Variants in DPYSL3 observed in about 807,000 individuals in gnomAD.
The protein encoded by DPYSL3 is dihydropyrimidinase like 3.
DPYSL3 carries 16 observed loss-of-function variants against 66.1 expected under a neutral mutation model. The ratio of observed to expected loss-of-function variants is 0.24; its 90% CI spans 0.16 to 0.37. The LOEUF (loss-of-function observed/expected upper bound fraction) is 0.37. DPYSL3 is among the 10% of genes least tolerant of loss of function. The pLI, the probability that DPYSL3 is intolerant of heterozygous loss-of-function variation, is 1.00. For synonymous variants in DPYSL3, 338 were observed against 345.1 expected, an observed-to-expected ratio of 0.98 and a Z score of 0.23; for missense variants, 738 against 916.2, an observed-to-expected ratio of 0.81 and a Z score of 2.51.
At chr5:147,464,848 C>T (rs1431445975) in intron 1 of DPYSL3, among the ~76,000 whole-genome samples, 4 of 152,082 alleles carry the variant, frequency 2.6e-5, no homozygotes, top group African/African-American at 4.8e-5. Flanking sequence ...GCCCTGAGAC[C>T]TCCCAAGAGA....
intron 1 of DPYSL3, among the ~76,000 whole-genome samples, chr5:147,474,818 T>C (rs563176308): frequency 6.6e-6 from 1 of 152,228 alleles, no homozygotes; most frequent in East Asian, 1.9e-4. Flanking sequence ...CAATTTAAAG[T>C]ATACAATTCC....
At chr5:147,412,466 G>T (rs1431172504) in intron 6 of DPYSL3, 142 bp downstream of exon 6, 5 of 720,522 alleles carry the variant, frequency 6.9e-6, no homozygotes, top group African/African-American at 1.8e-5. Flanking sequence ...AAATTGTGAG[G>T]TACCTTGGAG....
At chr5:147,434,868 C>A (rs1205750169) in intron 1 of DPYSL3, among the ~76,000 whole-genome samples, 1 of 152,122 alleles carries the variant, frequency 6.6e-6, no homozygotes, top group Non-Finnish European at 1.5e-5. Context: ...TGTTAAGACC[C>A]GTAGAACTAC....
chr5:147,402,499 C>A (rs1211662844), intron 8 of DPYSL3, among the ~76,000 whole-genome samples: 5 of 148,218 alleles, frequency 3.4e-5, no homozygotes, highest in Non-Finnish European at 2.9e-5. Context: ...AGGCGCCCGC[C>A]ACCACGCCCG....
intron 1 of DPYSL3, among the ~76,000 whole-genome samples, chr5:147,492,563 A>T (rs1753431908): frequency 6.6e-6 from 1 of 152,146 alleles, no homozygotes; most frequent in Non-Finnish European, 1.5e-5. Flanking sequence ...ATTATAAAGT[A>T]CTTGCACTAC....
intron 1 of DPYSL3, among the ~76,000 whole-genome samples, chr5:147,466,495 C>A (rs183024736): frequency 1.0e-3 from 157 of 152,330 alleles, no homozygotes; most frequent in African/African-American, 3.7e-3. Context: ...ACTACCTGCA[C>A]CCTGTCTGTT....
At position 147,392,257 on chromosome 5, in the gene DPYSL3, AAGCTTCCCT is replaced by A; in HGVS notation, c.*1769_*1777del. 6.6e-6 allele frequency: 1 copy of A among 152,346 alleles called. No homozygotes were observed. The highest frequency in any genetic ancestry group is 1.9e-4 in the East Asian group (1 of 5,180). 9.4% of individuals were successfully genotyped at this position (152,346 alleles called of 1,614,324 possible). A position where few individuals can be genotyped will look rare whatever the true frequency, so the allele number is the denominator to read the frequency against. On this transcript the variant is annotated 3_prime_UTR_variant, in exon 14 of 14. Transcript: ENST00000343218. Reference sequence around the variant, plus strand: ...AGCACTACAAGAGCTTTAAAATAGCAAGCTTCCCTATTCTAAGGGGAAATAGTCTTTTTT... The same window carrying A: ...AGCACTACAAGAGCTTTAAAATAGCAATTCTAAGGGGAAATAGTCTTTTTT...
chr5:147,463,534 G>T (rs995298618), intron 1 of DPYSL3, among the ~76,000 whole-genome samples: 5 of 152,148 alleles, frequency 3.3e-5, no homozygotes, highest in African/African-American at 1.2e-4. Context: ...TACATGTATT[G>T]CATTGTTAAT....
intron 10 of DPYSL3, among the ~76,000 whole-genome samples, chr5:147,400,095 ACT>A (rs1758127337): frequency 6.6e-6 from 1 of 152,254 alleles, no homozygotes; most frequent in Non-Finnish European, 1.5e-5. Flanking sequence ...GCAGTAATCA[ACT>A]TAATAATGAG....
chr5:147,473,889 C>G (rs1753118313), intron 1 of DPYSL3, among the ~76,000 whole-genome samples: 1 of 151,886 alleles, frequency 6.6e-6, no homozygotes, highest in Non-Finnish European at 1.5e-5. Flanking sequence ...AATTTTTGTT[C>G]CTGAATAAAG....
At chr5:147,449,553 G>A (rs957501903) in intron 1 of DPYSL3, among the ~76,000 whole-genome samples, 18 of 152,222 alleles carry the variant, frequency 1.2e-4, no homozygotes, top group Admixed American at 1.2e-3. Context: ...CATCTCAGCT[G>A]CACGTGCCTC....
At chr5:147,432,589 C>T (rs190494922) in intron 1 of DPYSL3, among the ~76,000 whole-genome samples, 3 of 152,170 alleles carry the variant, frequency 2.0e-5, no homozygotes, top group Non-Finnish European at 2.9e-5. Context: ...ATAGATAACA[C>T]GCCAGAAGCA....
intron 1 of DPYSL3, among the ~76,000 whole-genome samples, chr5:147,507,449 C>T (rs1436459815): frequency 1.3e-5 from 2 of 151,778 alleles, no homozygotes; most frequent in African/African-American, 4.8e-5. Context: ...ATTTTGCCAG[C>T]TATGTGGCAA....
At chr5:147,502,576 T>G in intron 1 of DPYSL3, among the ~76,000 whole-genome samples, 1 of 141,346 alleles carries the variant, frequency 7.1e-6, no homozygotes, top group Admixed American at 7.0e-5. Context: ...TAATGCTTTT[T>G]TTTTTTTTTT....
At chr5:147,434,576 A>T (rs918664776) in intron 1 of DPYSL3, among the ~76,000 whole-genome samples, 1 of 152,224 alleles carries the variant, frequency 6.6e-6, no homozygotes, top group Non-Finnish European at 1.5e-5. Flanking sequence ...AACATATGCT[A>T]GTGTAACTAC....
intron 2 of DPYSL3, among the ~76,000 whole-genome samples, chr5:147,422,802 A>T (rs1752108454): frequency 6.6e-6 from 1 of 152,106 alleles, no homozygotes; most frequent in Admixed American, 6.5e-5. Context: ...GGACTTGAAC[A>T]ATGAGAACAT....
chr5:147,506,635 G>A (rs1753688191), intron 1 of DPYSL3, among the ~76,000 whole-genome samples: 1 of 152,096 alleles, frequency 6.6e-6, no homozygotes, highest in South Asian at 2.1e-4. Context: ...GAAATTTAGG[G>A]AGAATGAGAT....
intron 3 of DPYSL3, 57 bp from the exon 4 acceptor site, chr5:147,415,930 G>T (rs912186725): frequency 1.3e-6 from 2 of 1,569,312 alleles, no homozygotes; most frequent in Admixed American, 3.5e-5. Context: ...GCTCCCCTCT[G>T]CCCAGGCCTG....
In DPYSL3 at chr5:147,408,666, C is replaced by T. The variant is rs1006994935; in HGVS notation, c.1032+62G>A. The T allele has an allele frequency of 2.8e-5, 44 of 1,558,782 alleles. 2 individuals are homozygous for T. In the Middle Eastern group the frequency reaches 1.0e-3, roughly 36 times the overall value. On this transcript the variant is annotated intron_variant, in intron 7 of 13. Transcript: ENST00000343218. ...TACTGCAACCTGGTACTCACATTCT[C>T]GTCGCCTTTTAACAATGTTTATTCA... is the stretch of plus-strand genomic sequence containing the variant.
Sources: gnomAD v4.1 joint callset for allele counts (sites outside exome capture counted in the v4.1 genomes callset) on GRCh38, gnomAD v4.1.1 for gene constraint, MANE v1.5 for transcripts, NCBI Gene and HGNC (gene_info 2026-07-23, HGNC 2026-07-21) for gene names.